RPL18: variants seen among roughly 807,000 people sequenced by gnomAD.
RPL18 encodes the protein large ribosomal subunit protein eL18.
Under a neutral mutation model 25.0 loss-of-function variants are expected in RPL18, and 4 were observed. The ratio of observed to expected loss-of-function variants is 0.16; its 90% CI spans 0.08 to 0.37. The LOEUF (loss-of-function observed/expected upper bound fraction) is 0.37. Among genes scored for constraint, RPL18 ranks in the 10% least tolerant of loss-of-function variants. The pLI, the probability that RPL18 is intolerant of heterozygous loss-of-function variation, is 1.00. For synonymous variants in RPL18, 129 were observed against 101.6 expected (o/e 1.27, Z -1.62); for missense variants, 179 against 267.9 (o/e 0.67, Z 2.32).
At position 48,618,050 on chromosome 19, in the gene RPL18, G is replaced by A. The variant is rs13343667; in HGVS notation, c.4-173C>T. ...TGCCACTGATCCCTCTGTAAAAAGG[G>A]GCTGTTTACAAAGCCTTCAGCCCAT... On this transcript the variant is annotated intron_variant, in intron 1 of 6. Coordinates refer to ENST00000549920, the MANE Select transcript of RPL18 (RefSeq NM_000979.4). The A allele has an allele frequency of 0.017, 9,526 of 571,474 alleles. 722 individuals carry two copies. Among genetic ancestry groups the A allele is most frequent in the African/African-American group, 0.16 (8,593 of 52,986 alleles). The allele number at this position is 571,474 out of a possible 1,614,324, so 35.4% of individuals were successfully genotyped here. A position where few individuals can be genotyped will look rare whatever the true frequency, so the allele number is the denominator to read the frequency against.
chr19:48,616,827 T>C lies in RPL18; in HGVS notation c.199-3A>G, dbSNP rs368935951. The C allele has an allele frequency of 5.0e-6, 8 of 1,609,304 alleles. No homozygotes were observed. In the African/African-American group the frequency reaches 1.1e-4, roughly 22 times the overall value. ...CCAGGAAGCTTCATCTTCCGGATCTTAGGGTGGGGAGGATGTACGTCGTAA... is the reference window on the plus strand; with the variant it reads ...CCAGGAAGCTTCATCTTCCGGATCTCAGGGTGGGGAGGATGTACGTCGTAA... On this transcript the variant is annotated splice_polypyrimidine_tract_variant and splice_region_variant and intron_variant, in intron 3 of 6. Transcript: ENST00000549920.
rs781270917 is a variant in RPL18, at chr19:48,619,094, G to A, written c.3+47C>T. The A allele has an allele frequency of 7.7e-5, 123 of 1,588,750 alleles. 1 individual carries two copies. The Admixed American group carries it at 2.1e-3, about 28-fold the overall frequency. ...CGTGCCCCTAGCCCAAAACCACGGC[G>A]GATGGCAGCGGATTATCCAGCCCCG... On this transcript the variant is annotated intron_variant, in intron 1 of 6. Coordinates refer to ENST00000549920, the MANE Select transcript of RPL18 (RefSeq NM_000979.4).
chr19:48,616,526 A>G (rs771734926), intron 4 of RPL18, 200 bp downstream of exon 4: 14 of 704,852 alleles, frequency 2.0e-5, no homozygotes, highest in Non-Finnish European at 3.3e-5. Context: ...GCCCCAGAAG[A>G]AGCTTGCCCA....
chr19:48,618,107 G>C (rs1449486318), intron 1 of RPL18: 1 of 435,236 alleles, frequency 2.3e-6, no homozygotes, highest in Non-Finnish European at 4.2e-6. Context: ...TCGTAACACA[G>C]CAATCATATT....
At chr19:48,616,872 T>G in intron 3 of RPL18, 48 bp from the exon 4 acceptor site, 1 of 1,443,078 alleles carries the variant, frequency 6.9e-7, no homozygotes, top group Non-Finnish European at 9.8e-7. Flanking sequence ...GTGTTTACAT[T>G]CAGCCCCGCT....
In RPL18 at chr19:48,616,951, A is replaced by T. The variant is rs887663149; in HGVS notation, c.199-127T>A. 1.2e-5 allele frequency: 9 copies of T among 742,644 alleles called. No individual in the cohort carries two copies. In the African/African-American group the frequency reaches 1.6e-4, roughly 13 times the overall value. The allele number at this position is 742,644 out of a possible 1,614,324, so 46.0% of individuals were successfully genotyped here. A position where few individuals can be genotyped will look rare whatever the true frequency, so the allele number is the denominator to read the frequency against. On this transcript the variant is annotated intron_variant, in intron 3 of 6. Transcript: ENST00000549920. The stretch of plus-strand genomic sequence containing the variant: ...CCCCCACTCACACCACACCCCTTAA[A>T]CCCCACAGGCCTCTCCTCAGGTCCA...
rs551304373 is a variant in RPL18 at position 48,617,468 on chromosome 19, C to A, written c.91-45G>T. The stretch of plus-strand genomic sequence containing the variant: ...GTGAGAAGCTGGGACAGCCTGCTCC[C>A]CCGCAGCCTTCCAGTGAAGGGGCAA... On this transcript the variant is annotated intron_variant, in intron 2 of 6. Transcript: ENST00000549920. 4 of 1,420,294 alleles carry A rather than the reference C, an allele frequency of 2.8e-6. No individual in the cohort carries two copies. In the African/African-American group the frequency reaches 5.6e-5, roughly 20 times the overall value. The allele number at this position is 1,420,294 out of a possible 1,614,324, so 88.0% of individuals were successfully genotyped here. A position where few individuals can be genotyped will look rare whatever the true frequency, so the allele number is the denominator to read the frequency against.
chr19:48,615,467 T>C lies in RPL18; in HGVS notation c.492-20A>G, dbSNP rs1485440694. On this transcript the variant is annotated intron_variant, in intron 6 of 6. Coordinates refer to ENST00000549920, the MANE Select transcript of RPL18 (RefSeq NM_000979.4). ...TAGGGTCTGTGGGGAGAGGAGGGAG[T>C]GAGAGGGGGGCCCTCTTAAAGGAGG... 1.3e-6 allele frequency: 2 copies of C among 1,588,984 alleles called. No homozygotes were observed. The highest frequency in any genetic ancestry group is 1.7e-6 in the Non-Finnish European group (2 of 1,164,418).
Position 48,615,353 on chromosome 19 carries a change from AAG to A in RPL18, c.*17_*18del, listed in dbSNP as rs776416401. The A allele has an allele frequency of 2.1e-5, 33 of 1,587,376 alleles. 1 individual carries two copies. In the African/African-American group the frequency reaches 2.6e-4, roughly 12 times the overall value. ...CACTGTCAGCAAAAATCTTTTTAAT[AAG>A]AGAGTAGGATCCAGGGTTAGTTTTT... is the stretch of plus-strand genomic sequence containing the variant. On this transcript the variant is annotated 3_prime_UTR_variant, in exon 7 of 7. Transcript: ENST00000549920.
chr19:48,615,352 TAA>T lies in RPL18; in HGVS notation c.*18_*19del. 6.3e-7 allele frequency: 1 copy of T among 1,586,482 alleles called. No individual in the cohort carries two copies. The highest frequency in any genetic ancestry group is 8.6e-7 in the Non-Finnish European group (1 of 1,161,346). ...GCACTGTCAGCAAAAATCTTTTTAATAAGAGAGTAGGATCCAGGGTTAGTTTT... is the reference window on the plus strand; with the variant it reads ...GCACTGTCAGCAAAAATCTTTTTAATGAGAGTAGGATCCAGGGTTAGTTTT... On this transcript the variant is annotated 3_prime_UTR_variant, in exon 7 of 7. Coordinates refer to ENST00000549920, the MANE Select transcript of RPL18 (RefSeq NM_000979.4).
Position 48,616,080 on chromosome 19 carries a change from G to A in RPL18, c.420C>T (p.Ser140=), listed in dbSNP as rs370747953. Residue 140 remains serine (S), a splice_region_variant and synonymous_variant, in exon 5 of 7, where the codon TCC becomes TCT. Coordinates refer to ENST00000549920, the MANE Select transcript of RPL18 (RefSeq NM_000979.4). ...ACCCGTCGACCACGTATCACTCACCGGAGAGCAGGACAGTGCCACAGCCCT... is the reference window on the plus strand; with the variant it reads ...ACCCGTCGACCACGTATCACTCACCAGAGAGCAGGACAGTGCCACAGCCCT... ...SPKGCGTVLL[S]GPRKGREVYR... The A allele has an allele frequency of 1.0e-4, 162 of 1,614,156 alleles. No individual in the cohort carries two copies. Among genetic ancestry groups the A allele is most frequent in the Admixed American group, 2.0e-4 (12 of 60,018 alleles).
chr19:48,615,336 G>A lies in RPL18; in HGVS notation c.*36C>T, dbSNP rs750447885. 7.3e-6 allele frequency: 11 copies of A among 1,517,134 alleles called. No individual in the cohort carries two copies. Among genetic ancestry groups the A allele is most frequent in the South Asian group, 1.2e-5 (1 of 86,356 alleles). 94.0% of individuals were successfully genotyped at this position (1,517,134 alleles called of 1,614,324 possible). ...CAATAACACACACAGAGCACTGTCA[G>A]CAAAAATCTTTTTAATAAGAGAGTA... On this transcript the variant is annotated 3_prime_UTR_variant, in exon 7 of 7. Coordinates refer to ENST00000549920, the MANE Select transcript of RPL18 (RefSeq NM_000979.4).
rs1601140545 is a variant in RPL18, at chr19:48,617,344, T to C, written c.170A>G (p.Asn57Ser). 3 of 1,613,982 alleles carry C rather than the reference T, an allele frequency of 1.9e-6. No individual in the cohort carries two copies. The highest frequency in any genetic ancestry group is 4.5e-5 in the East Asian group (2 of 44,890). ...CCGGGAAAGGGACAGAGGCGGCCGGTTGGTGCGACTCATAAACAACCTCTT... is the reference window on the plus strand; with the variant it reads ...CCGGGAAAGGGACAGAGGCGGCCGGCTGGTGCGACTCATAAACAACCTCTT... ...VLKRLFMSRT[N>S]RPPLSLSRMI... The change falls in exon 3 of 7, where the codon AAC (asparagine) becomes AGC (serine). Residue 57 changes from asparagine (N) to serine (S), a missense_variant. By Grantham distance (46) the Asn-to-Ser change is conservative (BLOSUM62 1). Transcript: ENST00000549920.
chr19:48,618,955 G>C (rs1434118067), intron 1 of RPL18, 186 bp downstream of exon 1: 2 of 616,156 alleles, frequency 3.2e-6, no homozygotes, highest in African/African-American at 3.7e-5. Flanking sequence ...CATCTACTAA[G>C]TGGGGGCGGT....
At position 48,616,475 on chromosome 19, in the gene RPL18, G is replaced by A. The variant is rs1053774282; in HGVS notation, c.297+251C>T. On this transcript the variant is annotated intron_variant, in intron 4 of 6. Transcript: ENST00000549920. ...CAAAGGAGTCTAGACTTGAGCCCAG[G>A]CTGTCTGGCTCTAGGGGCCAGCACT... 3 of 678,856 alleles carry A rather than the reference G, an allele frequency of 4.4e-6. No homozygotes were observed. In the African/African-American group the frequency reaches 5.3e-5, roughly 12 times the overall value. 42.1% of individuals were successfully genotyped at this position (678,856 alleles called of 1,614,324 possible).
chr19:48,618,095 C>T (rs887329812), intron 1 of RPL18: 12 of 468,530 alleles, frequency 2.6e-5, no homozygotes, highest in South Asian at 1.5e-4. Context: ...AACCCTGAAA[C>T]ATCGTAACAC....
At chr19:48,619,002 C>A in intron 1 of RPL18, 139 bp downstream of exon 1, 1 of 883,452 alleles carries the variant, frequency 1.1e-6, no homozygotes, top group Non-Finnish European at 1.8e-6. Context: ...TCCTGGCCCC[C>A]AGAGTAGGTC....
chr19:48,618,967 G>T, intron 1 of RPL18, 174 bp downstream of exon 1: 1 of 655,066 alleles, frequency 1.5e-6, no homozygotes, highest in Admixed American at 2.6e-5. Flanking sequence ...GGGGGCGGTA[G>T]GCTATGACTG....
intron 4 of RPL18, 45 bp downstream of exon 4, chr19:48,616,681 G>T: frequency 7.7e-7 from 1 of 1,306,754 alleles, no homozygotes. Context: ...GCACAGCACA[G>T]TACAGCAAGG....
Sources: gnomAD v4.1 joint callset for allele counts on GRCh38, gnomAD v4.1.1 for gene constraint, MANE v1.5 for transcripts, NCBI Gene and HGNC (gene_info 2026-07-23, HGNC 2026-07-21) for gene names.